ARHGAP20: variants seen among roughly 807,000 people sequenced by gnomAD.
ARHGAP20 encodes rho GTPase-activating protein 20.
A neutral mutation model predicts 73.7 loss-of-function variants in ARHGAP20; 34 were observed. The observed-to-expected ratio is 0.46, with a 90% confidence interval of 0.35 to 0.61. The LOEUF is 0.61. ARHGAP20 is among the 20% of genes least tolerant of loss of function. The pLI is 0.00. For synonymous variants in ARHGAP20, 523 were observed against 518.2 expected (o/e 1.01, Z -0.13); for missense variants, 1,314 against 1,420.9 (o/e 0.92, Z 1.21).
At chr11:110,636,328 CA>C (rs1948967254) in intron 2 of ARHGAP20, among the ~76,000 whole-genome samples, 1 of 152,004 alleles carries the variant, frequency 6.6e-6, no homozygotes, top group Non-Finnish European at 1.5e-5. Context: ...ACAATACTTC[CA>C]AAACATTTAA....
At chr11:110,689,304 G>A (rs575736927) in intron 2 of ARHGAP20, among the ~76,000 whole-genome samples, 16 of 152,092 alleles carry the variant, frequency 1.1e-4, no homozygotes, top group African/African-American at 2.7e-4. Flanking sequence ...TTGAAGATAT[G>A]TCATAGATAT....
At chr11:110,611,486 T>C (rs1948366088) in intron 6 of ARHGAP20, 100 bp from the exon 7 acceptor site, 1 of 580,554 alleles carries the variant, frequency 1.7e-6, no homozygotes, top group Non-Finnish European at 2.8e-6. Flanking sequence ...CAAATATTGA[T>C]TTCAAATGTG....
At chr11:110,631,160 T>G (rs1546462) in intron 2 of ARHGAP20, among the ~76,000 whole-genome samples, 34,028 of 152,144 alleles carry the variant, frequency 0.22, 4,153 homozygotes, top group East Asian at 0.31. Context: ...TACATATCAT[T>G]AACTAGAGTT....
rs1487374275 is a variant in ARHGAP20, at chr11:110,612,167, C to T, written c.631-781G>A. 7.2e-5 allele frequency among the ~76,000 whole-genome samples: 11 copies of T among 151,930 alleles called. 1 individual carries two copies. The highest frequency in any genetic ancestry group is 1.2e-4 in the Non-Finnish European group (8 of 67,984). ...AGTTAACAAGCTCATGCCTGTAATC[C>T]TAGCACTTTGGGAGGCCGAGGTGGG... On this transcript the variant is annotated intron_variant, in intron 6 of 14. Coordinates refer to ENST00000683387, the MANE Select transcript of ARHGAP20 (RefSeq NM_001384657.1).
chr11:110,667,383 G>A (rs1949743513), intron 2 of ARHGAP20, among the ~76,000 whole-genome samples: 1 of 152,054 alleles, frequency 6.6e-6, no homozygotes, highest in Admixed American at 6.6e-5. Context: ...ACAAAGTGTG[G>A]GTGACAGCAT....
At chr11:110,588,899 G>A (rs188129372) in intron 11 of ARHGAP20, among the ~76,000 whole-genome samples, 97 of 152,026 alleles carry the variant, frequency 6.4e-4, no homozygotes, top group African/African-American at 2.1e-3. Flanking sequence ...GTGAAACCCC[G>A]TCTCTACTAA....
At chr11:110,635,372 C>A (rs773939968) in intron 2 of ARHGAP20, among the ~76,000 whole-genome samples, 1 of 152,072 alleles carries the variant, frequency 6.6e-6, no homozygotes, top group African/African-American at 2.4e-5. Context: ...GTTTAACAAG[C>A]CAGTCAGGTG....
intron 2 of ARHGAP20, among the ~76,000 whole-genome samples, chr11:110,661,266 AT>A (rs1949604997): frequency 6.6e-6 from 1 of 152,180 alleles, no homozygotes; most frequent in African/African-American, 2.4e-5. Context: ...TTTTTATATA[AT>A]AAATGAAGAA....
chr11:110,610,857 T>C (rs921544712), intron 7 of ARHGAP20, among the ~76,000 whole-genome samples: 3 of 152,160 alleles, frequency 2.0e-5, no homozygotes, highest in Non-Finnish European at 4.4e-5. Flanking sequence ...TATGGTTTTA[T>C]GAAAAATTCT....
At chr11:110,623,147 T>A (rs1948664667) in intron 4 of ARHGAP20, among the ~76,000 whole-genome samples, 1 of 152,268 alleles carries the variant, frequency 6.6e-6, no homozygotes, top group South Asian at 2.1e-4. Context: ...AATCTTGTGG[T>A]AGGCCAAATA....
intron 12 of ARHGAP20, among the ~76,000 whole-genome samples, chr11:110,584,053 C>T (rs1451527490): frequency 6.6e-6 from 1 of 151,956 alleles, no homozygotes; most frequent in Non-Finnish European, 1.5e-5. Flanking sequence ...CAAACTTAGG[C>T]CAATCCTGTA....
At chr11:110,625,332 C>T (rs1432454610) in intron 3 of ARHGAP20, among the ~76,000 whole-genome samples, 1 of 151,946 alleles carries the variant, frequency 6.6e-6, no homozygotes, top group African/African-American at 2.4e-5. Flanking sequence ...CCACCGTGCC[C>T]AGCCAGGATT....
chr11:110,579,591 C>CT lies in ARHGAP20; in HGVS notation c.3354dup (p.Glu1119ArgfsTer5), dbSNP rs770257363. The stretch of plus-strand genomic sequence containing the variant: ...CTGAATGGAGAGCTACAGTGTCTCT[C>CT]TGAGTCCTGGAAGGGAGAAGAACTA... On this transcript the variant is annotated frameshift_variant, in exon 15 of 15. Transcript: ENST00000683387. LOFTEE classifies it low-confidence loss of function (END_TRUNC). 6.2e-7 allele frequency: 1 copy of CT among 1,613,988 alleles called. No individual in the cohort carries two copies. The highest frequency in any genetic ancestry group is 8.5e-7 in the Non-Finnish European group (1 of 1,179,886).
chr11:110,665,936 A>G (rs749462799), intron 2 of ARHGAP20, among the ~76,000 whole-genome samples: 77 of 152,108 alleles, frequency 5.1e-4, no homozygotes, highest in Non-Finnish European at 8.5e-4. Context: ...ATGCTACCAG[A>G]TAAGTGAATT....
intron 2 of ARHGAP20, among the ~76,000 whole-genome samples, chr11:110,634,763 A>C (rs186962432): frequency 6.6e-6 from 1 of 152,274 alleles, no homozygotes; most frequent in Admixed American, 6.5e-5. Flanking sequence ...AATTAAGATT[A>C]CTGATGAGAG....
intron 2 of ARHGAP20, among the ~76,000 whole-genome samples, chr11:110,679,331 C>G (rs1949993053): frequency 6.6e-6 from 1 of 152,156 alleles, no homozygotes; most frequent in Admixed American, 6.5e-5. Flanking sequence ...CAGAGCAACT[C>G]TGATACAGTG....
In ARHGAP20 at chr11:110,580,541, G is replaced by T. The variant is rs748951088; in HGVS notation, c.2405C>A (p.Ser802Tyr). 14 of 1,614,226 alleles carry T rather than the reference G, an allele frequency of 8.7e-6. No homozygotes were observed. Among genetic ancestry groups the T allele is most frequent in the Non-Finnish European group, 1.2e-5 (14 of 1,180,044 alleles). ...GGACATAGGACTATAAGATGCCACA[G>T]AAATGGCCACTGGCTTAGACTTAGG... is the stretch of plus-strand genomic sequence containing the variant. Reference protein sequence around the residue: ...LFPKSKPVAISVASYSPMSSQ... With the variant: ...LFPKSKPVAIYVASYSPMSSQ... The change falls in exon 15 of 15, where the codon TCT becomes TAT. Residue 802 changes from serine (S) to tyrosine (Y), a missense_variant. Transcript: ENST00000683387.
chr11:110,648,220 TGTATATATATATATATGTAA>T (rs1288091000), intron 2 of ARHGAP20, among the ~76,000 whole-genome samples: 3 of 49,644 alleles, frequency 6.0e-5, no homozygotes, highest in Non-Finnish European at 1.0e-4. Flanking sequence ...AATATATATA[TGTATATATATATATATGTAA>T]ATATATATAT....
chr11:110,621,473 G>T (rs1948629314), intron 4 of ARHGAP20, among the ~76,000 whole-genome samples: 1 of 151,044 alleles, frequency 6.6e-6, no homozygotes, highest in South Asian at 2.1e-4. Context: ...CTGTTCCTCA[G>T]ATTACACAAT....
Sources: allele counts gnomAD v4.1 joint callset (sites outside exome capture counted in the v4.1 genomes callset), GRCh38; gene constraint gnomAD v4.1.1; transcripts MANE v1.5; gene names NCBI Gene and HGNC (gene_info 2026-07-23, HGNC 2026-07-21).